Variants in TMCO4 observed in about 807,000 individuals in gnomAD.
The protein encoded by TMCO4 is transmembrane and coiled-coil domain-containing protein 4.
In TMCO4, 58 loss-of-function variants were observed where a neutral mutation model predicts 64.7. The observed-to-expected ratio is 0.90, with a 90% CI of 0.73 to 1.12. The LOEUF (loss-of-function observed/expected upper bound fraction) is 1.12. TMCO4 is among the 50% of genes most tolerant of loss of function. The probability of loss-of-function intolerance (pLI) is 0.00; values close to 1 mark genes in which losing one functional copy is unlikely to be tolerated. For synonymous variants in TMCO4, 325 were observed against 346.1 expected, an observed-to-expected ratio of 0.94 and a Z score of 0.68; for missense variants, 780 against 825.9, an observed-to-expected ratio of 0.94 and a Z score of 0.68.
intron 13 of TMCO4, among the ~76,000 whole-genome samples, chr1:19,720,024 T>TTC (rs2095374822): frequency 1.3e-5 from 2 of 150,730 alleles, no homozygotes; most frequent in South Asian, 4.2e-4. Flanking sequence ...TTTTTTTTTT[T>TTC]TGTAGAGATG....
chr1:19,786,452 C>A (rs920038114), intron 3 of TMCO4, among the ~76,000 whole-genome samples: 2 of 152,064 alleles, frequency 1.3e-5, no homozygotes, highest in African/African-American at 4.8e-5. Flanking sequence ...GGGGTGGGCA[C>A]GTCTTTGACA....
intron 13 of TMCO4, among the ~76,000 whole-genome samples, chr1:19,724,356 G>C (rs2095399487): frequency 6.6e-6 from 1 of 152,192 alleles, no homozygotes; most frequent in Non-Finnish European, 1.5e-5. Flanking sequence ...GGCTGGAGTT[G>C]AACCCAGGTT....
At position 19,701,386 on chromosome 1, in the gene TMCO4, G is replaced by C. The variant is rs111917432; in HGVS notation, c.1265-501C>G. The stretch of plus-strand genomic sequence containing the variant: ...GGGGTTTTACCATGTTGGCCAGTCT[G>C]GTCTCCAACTCCTGACCTCAGGTGA... On this transcript the variant is annotated intron_variant, in intron 13 of 15. Coordinates refer to ENST00000294543, the MANE Select transcript of TMCO4 (RefSeq NM_181719.7). Among the ~76,000 whole-genome samples, 322 of 152,252 alleles carry C rather than the reference G, an allele frequency of 2.1e-3. 2 individuals carry two copies. The highest frequency in any genetic ancestry group is 7.4e-3 in the African/African-American group (309 of 41,540).
chr1:19,701,146 T>C (rs1346870958), intron 13 of TMCO4: 1 of 297,298 alleles, frequency 3.4e-6, no homozygotes, highest in Admixed American at 5.0e-5. Context: ...AAAGGATCAT[T>C]ACACCATTTT....
chr1:19,739,486 G>A (rs2095469604), intron 12 of TMCO4, among the ~76,000 whole-genome samples: 1 of 152,184 alleles, frequency 6.6e-6, no homozygotes, highest in African/African-American at 2.4e-5. Flanking sequence ...TCACCCAAAT[G>A]AGCCCAGTGA....
chr1:19,699,535 T>TGCC (rs1165330204), intron 14 of TMCO4, among the ~76,000 whole-genome samples: 1 of 150,234 alleles, frequency 6.7e-6, no homozygotes, highest in Non-Finnish European at 1.5e-5. Flanking sequence ...TCTTGCTCGC[T>TGCC]GCCACTCTCT....
intron 7 of TMCO4, among the ~76,000 whole-genome samples, chr1:19,755,014 T>C (rs964823037): frequency 1.3e-5 from 2 of 152,154 alleles, no homozygotes; most frequent in African/African-American, 4.8e-5. Flanking sequence ...TCCAGGTCAA[T>C]TGTGCCCGTG....
chr1:19,725,888 T>C (rs1283370731), intron 13 of TMCO4, among the ~76,000 whole-genome samples: 2 of 152,068 alleles, frequency 1.3e-5, no homozygotes, highest in Non-Finnish European at 2.9e-5. Context: ...GTCTGGGCAA[T>C]AGATCAACCA....
At position 19,683,384 on chromosome 1, in the gene TMCO4, G is replaced by T; in HGVS notation, c.1561C>A (p.Arg521Ser). ...MDAILKAVGI[R>S]TKPGWDEKGL... ...TTCTCGTCCCAGCCTGGCTTGGTGC[G>T]GATGCCCACGGCCTTCAGGATGGCA... Residue 521 changes from arginine to serine, a missense_variant, in exon 16 of 16, where the codon CGC (arginine) becomes AGC (serine). Physicochemically the swap from Arg to Ser is moderately radical, Grantham distance 110. Transcript: ENST00000294543. The T allele has an allele frequency of 6.2e-7, 1 of 1,613,732 alleles. No homozygotes were observed. The highest frequency in any genetic ancestry group is 1.1e-5 in the South Asian group (1 of 91,074).
intron 13 of TMCO4, among the ~76,000 whole-genome samples, chr1:19,709,369 C>T (rs1451155344): frequency 2.1e-5 from 3 of 141,494 alleles, no homozygotes; most frequent in Non-Finnish European, 4.6e-5. Context: ...GGGACTAAAG[C>T]TGGGTTTGTC....
chr1:19,716,465 C>T (rs569681175), intron 13 of TMCO4, among the ~76,000 whole-genome samples: 3 of 149,492 alleles, frequency 2.0e-5, no homozygotes, highest in East Asian at 4.0e-4. Context: ...CTCCCGACCT[C>T]GTGATTTGCC....
chr1:19,782,443 C>G (rs1192917439), intron 3 of TMCO4, among the ~76,000 whole-genome samples: 1 of 152,140 alleles, frequency 6.6e-6, no homozygotes, highest in Admixed American at 6.5e-5. Context: ...GAAATGATCT[C>G]TATCTTGACC....
At chr1:19,684,662 C>T (rs185776698) in intron 15 of TMCO4, among the ~76,000 whole-genome samples, 181 of 152,282 alleles carry the variant, frequency 1.2e-3, no homozygotes, top group African/African-American at 4.3e-3. Context: ...CTCACTCTGC[C>T]GTTTATTCTT....
chr1:19,754,785 G>C (rs905293129), intron 7 of TMCO4, among the ~76,000 whole-genome samples: 1 of 152,180 alleles, frequency 6.6e-6, no homozygotes, highest in Non-Finnish European at 1.5e-5. Context: ...ATGGGTCCGG[G>C]ACACGTCGGG....
chr1:19,759,455 A>G (rs576733550), intron 6 of TMCO4, among the ~76,000 whole-genome samples: 7 of 152,294 alleles, frequency 4.6e-5, no homozygotes, highest in Admixed American at 4.6e-4. Context: ...TCCCCAGTGC[A>G]CTTAGAATAA....
intron 13 of TMCO4, among the ~76,000 whole-genome samples, chr1:19,702,990 C>T (rs910807187): frequency 1.3e-5 from 2 of 152,200 alleles, no homozygotes; most frequent in Non-Finnish European, 2.9e-5. Context: ...TTCTCCTTGT[C>T]ACAGATTATT....
chr1:19,682,592 C>T lies in TMCO4; in HGVS notation c.*448G>A. On this transcript the variant is annotated 3_prime_UTR_variant, in exon 16 of 16. Transcript: ENST00000294543. ...GGTGCCTGTCAGCTGGTGGGCAGCC[C>T]TGGAGTGTGGATGGAAGAACAGGCA... The T allele has an allele frequency of 1.4e-6, 1 of 717,276 alleles. No homozygotes were observed. Among genetic ancestry groups the T allele is most frequent in the Non-Finnish European group, 2.6e-6 (1 of 385,036 alleles). The allele number at this position is 717,276 out of a possible 1,614,324, so 44.4% of individuals were successfully genotyped here.
At chr1:19,744,719 C>T (rs1252789059) in intron 10 of TMCO4, among the ~76,000 whole-genome samples, 1 of 152,152 alleles carries the variant, frequency 6.6e-6, no homozygotes, top group Non-Finnish European at 1.5e-5. Context: ...ACACTTTCTG[C>T]TCCTGGTTTA....
intron 4 of TMCO4, among the ~76,000 whole-genome samples, chr1:19,778,244 ATATTTATTTATTTATTTATTTATT>A (rs142603109): frequency 6.8e-6 from 1 of 146,286 alleles, no homozygotes; most frequent in African/African-American, 2.5e-5. Context: ...CTCATTATTT[ATATTTATTTATTTATTTATTTATT>A]TATTTATTTA....
Sources: allele counts gnomAD v4.1 joint callset (sites outside exome capture counted in the v4.1 genomes callset), GRCh38; gene constraint gnomAD v4.1.1; transcripts MANE v1.5; gene names NCBI Gene and HGNC (gene_info 2026-07-23, HGNC 2026-07-21).